CNTNAP3: variants seen among roughly 807,000 people sequenced by gnomAD.
The protein encoded by CNTNAP3 is contactin-associated protein-like 3.
In CNTNAP3, 36 loss-of-function variants were observed where a neutral mutation model predicts 92.1. That is an observed-to-expected ratio of 0.39 (90% CI 0.30 to 0.52). The LOEUF is 0.52. CNTNAP3 is among the 20% of genes least tolerant of loss of function. CNTNAP3 has a pLI of 0.76. For synonymous variants in CNTNAP3, 232 were observed against 422.3 expected (o/e 0.55, Z 5.53); for missense variants, 534 against 1,069.6 (o/e 0.50, Z 6.98).
intron 3 of CNTNAP3, among the ~76,000 whole-genome samples, chr9:39,209,697 TTCCTTCC>T: frequency 6.4e-4 from 1 of 1,570 alleles, no homozygotes; most frequent in Non-Finnish European, 1.9e-3. Context: ...CCTCCCTTCC[TTCCTTCC>T]TTCCTTCCTT....
At chr9:39,102,266 T>C (rs986779323) in intron 17 of CNTNAP3, among the ~76,000 whole-genome samples, 2 of 152,306 alleles carry the variant, frequency 1.3e-5, no homozygotes. Context: ...GGCGACACAG[T>C]GAGACTCTGT....
Position 39,070,862 on chromosome 9 carries a change from A to T in CNTNAP3, c.*3028T>A, listed in dbSNP as rs949088207. ...CCCATCAAATATTCTTTCAGAGAAG[A>T]TGTGAACAAAGATCCAGAATTATTG... On this transcript the variant is annotated 3_prime_UTR_variant, in exon 24 of 24. Transcript: ENST00000297668. 2.6e-5 allele frequency among the ~76,000 whole-genome samples: 4 copies of T among 152,262 alleles called. No individual in the cohort carries two copies. The highest frequency in any genetic ancestry group is 4.4e-5 in the Non-Finnish European group (3 of 68,020).
intron 21 of CNTNAP3, among the ~76,000 whole-genome samples, chr9:39,083,899 TAATC>T (rs1826006403): frequency 6.6e-6 from 1 of 151,864 alleles, no homozygotes; most frequent in Non-Finnish European, 1.5e-5. Flanking sequence ...GATCTTGTGA[TAATC>T]AATCTGAATG....
At chr9:39,093,741 A>G (rs1826265203) in intron 18 of CNTNAP3, among the ~76,000 whole-genome samples, 1 of 151,582 alleles carries the variant, frequency 6.6e-6, no homozygotes, top group Admixed American at 6.6e-5. Context: ...TTATATGTAT[A>G]TACTACATTT....
intron 15 of CNTNAP3, among the ~76,000 whole-genome samples, chr9:39,108,280 C>G (rs543121022): frequency 2.6e-5 from 4 of 152,070 alleles, no homozygotes; most frequent in Admixed American, 6.5e-5. Context: ...GGTCCCCCCC[C>G]TCTCTGGGGA....
chr9:39,146,475 G>A (rs1344588504), intron 10 of CNTNAP3, among the ~76,000 whole-genome samples: 3 of 152,154 alleles, frequency 2.0e-5, no homozygotes, highest in Non-Finnish European at 4.4e-5. Context: ...GGATGACGAG[G>A]TCAGGAGATC....
chr9:39,072,585 T>C lies in CNTNAP3; in HGVS notation c.*1305A>G, dbSNP rs533957238. On this transcript the variant is annotated 3_prime_UTR_variant, in exon 24 of 24. Coordinates refer to ENST00000297668, the MANE Select transcript of CNTNAP3 (RefSeq NM_033655.5). ...TCAATTTTGGGTAATCTATGGGAAT[T>C]TGGCCCCATGGTCATAAACCTGTGA... Among the ~76,000 whole-genome samples the C allele has an allele frequency of 1.3e-5, 2 of 152,230 alleles. No homozygotes were observed. The highest frequency in any genetic ancestry group is 4.2e-4 in the South Asian group (2 of 4,818).
At chr9:39,161,645 G>C (rs1470476932) in intron 9 of CNTNAP3, among the ~76,000 whole-genome samples, 1 of 111,698 alleles carries the variant, frequency 9.0e-6, no homozygotes, top group Non-Finnish European at 1.8e-5. Context: ...GCGAGACCTC[G>C]TCTCTACAAA....
chr9:39,129,069 C>G (rs945667273), intron 13 of CNTNAP3, among the ~76,000 whole-genome samples: 1 of 151,944 alleles, frequency 6.6e-6, no homozygotes, highest in Non-Finnish European at 1.5e-5. Flanking sequence ...CCAATTTTCC[C>G]TTCATTGAGC....
At chr9:39,102,801 T>A (rs1826495336) in intron 16 of CNTNAP3, 86 bp from the exon 17 acceptor site, 1 of 1,144,938 alleles carries the variant, frequency 8.7e-7, no homozygotes, top group Admixed American at 2.0e-5. Context: ...GAAGGCACGC[T>A]CAGGATGGAA....
At chr9:39,077,823 G>C (rs1448298462) in intron 23 of CNTNAP3, among the ~76,000 whole-genome samples, 1 of 149,550 alleles carries the variant, frequency 6.7e-6, no homozygotes, top group East Asian at 2.0e-4. Context: ...TATTAGCTTT[G>C]TAACTGTTCT....
chr9:39,144,948 A>T (rs1821664239), intron 10 of CNTNAP3, among the ~76,000 whole-genome samples: 1 of 151,280 alleles, frequency 6.6e-6, no homozygotes, highest in African/African-American at 2.4e-5. Context: ...TCTTATTAAA[A>T]TCCCAATGCC....
intron 21 of CNTNAP3, chr9:39,085,260 G>C (rs1213165217): frequency 6.3e-6 from 1 of 158,480 alleles, no homozygotes; most frequent in Non-Finnish European, 1.3e-5. Context: ...AAGTCAAAAA[G>C]GATGGAAACA....
intron 23 of CNTNAP3, 99 bp downstream of exon 23, chr9:39,078,286 T>C: frequency 6.2e-7 from 1 of 1,600,152 alleles, no homozygotes; most frequent in Non-Finnish European, 8.5e-7. Flanking sequence ...ACCTCACCAT[T>C]GAGTATTGAT....
intron 8 of CNTNAP3, among the ~76,000 whole-genome samples, chr9:39,168,006 G>GTT (rs201151152): frequency 9.1e-4 from 128 of 140,922 alleles, no homozygotes; most frequent in African/African-American, 3.4e-3. Flanking sequence ...TTTACCTTGA[G>GTT]TTTTTTTTTG....
chr9:39,090,843 T>C (rs1023571170), intron 18 of CNTNAP3, among the ~76,000 whole-genome samples: 1 of 152,306 alleles, frequency 6.6e-6, no homozygotes, highest in Admixed American at 6.5e-5. Context: ...TATCTCTCCA[T>C]TTATTTACCT....
intron 21 of CNTNAP3, among the ~76,000 whole-genome samples, chr9:39,081,582 G>T (rs913153997): frequency 3.8e-4 from 58 of 150,760 alleles, no homozygotes; most frequent in African/African-American, 1.3e-3. Flanking sequence ...TACAGAATTT[G>T]AAATACTGGC....
At chr9:39,098,155 G>A in intron 18 of CNTNAP3, among the ~76,000 whole-genome samples, 1 of 145,750 alleles carries the variant, frequency 6.9e-6, no homozygotes, top group Non-Finnish European at 1.5e-5. Context: ...TGGATAGAAA[G>A]GCTAATCCAA....
chr9:39,089,640 T>C (rs1411297413), intron 18 of CNTNAP3, among the ~76,000 whole-genome samples: 1 of 152,198 alleles, frequency 6.6e-6, no homozygotes. Context: ...GGAGCTGCCA[T>C]ATTTTTTCCA....
Sources: gnomAD v4.1 joint callset for allele counts (sites outside exome capture counted in the v4.1 genomes callset) on GRCh38, gnomAD v4.1.1 for gene constraint, MANE v1.5 for transcripts, NCBI Gene and HGNC (gene_info 2026-07-23, HGNC 2026-07-21) for gene names.